Variants in NUMB observed in about 807,000 individuals in gnomAD.
NUMB encodes the protein protein numb homolog.
Under a neutral mutation model 59.7 loss-of-function variants are expected in NUMB, and 29 were observed. That is an observed-to-expected ratio of 0.49 (90% CI 0.36 to 0.66). The LOEUF (loss-of-function observed/expected upper bound fraction) is 0.66, where lower values mean the gene tolerates loss of function less well. Ranked by LOEUF, NUMB falls within the 30% of genes least tolerant of loss-of-function variation. The pLI, the probability that NUMB is intolerant of heterozygous loss-of-function variation, is 0.00. For synonymous variants in NUMB, 288 were observed against 288.2 expected, an observed-to-expected ratio of 1.00 and a Z score of 0.01; for missense variants, 723 against 822.0, an observed-to-expected ratio of 0.88 and a Z score of 1.47.
intron 2 of NUMB, among the ~76,000 whole-genome samples, chr14:73,369,708 T>C (rs1471500127): frequency 6.6e-6 from 1 of 152,176 alleles, no homozygotes; most frequent in South Asian, 2.1e-4. Flanking sequence ...GATTTACATA[T>C]GATACAAAAA....
intron 8 of NUMB, among the ~76,000 whole-genome samples, chr14:73,288,795 G>A (rs1446987190): frequency 6.6e-6 from 1 of 151,606 alleles, no homozygotes; most frequent in African/African-American, 2.4e-5. Context: ...GGAGGTGGAG[G>A]TTGCAGTAAG....
At chr14:73,364,480 G>C (rs1894241216) in intron 3 of NUMB, among the ~76,000 whole-genome samples, 1 of 151,464 alleles carries the variant, frequency 6.6e-6, no homozygotes, top group African/African-American at 2.4e-5. Context: ...CTCCAGCCTG[G>C]GTGACAGAGC....
intron 3 of NUMB, among the ~76,000 whole-genome samples, chr14:73,360,569 A>G (rs537982029): frequency 1.6e-3 from 244 of 152,106 alleles, no homozygotes; most frequent in Non-Finnish European, 3.1e-3. Flanking sequence ...AAACAAAACA[A>G]AAAAGGTATG....
rs1172088992 is a variant in NUMB at position 73,352,508 on chromosome 14, A to T, written c.126+3118T>A. 4.8e-4 allele frequency among the ~76,000 whole-genome samples: 6 copies of T among 12,386 alleles called. 1 individual carries two copies. The highest frequency in any genetic ancestry group is 1.6e-3 in the African/African-American group (3 of 1,836). 8.1% of individuals were successfully genotyped at this position (12,386 alleles called of 152,430 possible). Reference sequence around the variant, plus strand: ...TATATATATATATATATATATATATATATATATATATATATATATATGTTT... The same window carrying T: ...TATATATATATATATATATATATATTTATATATATATATATATATATGTTT... On this transcript the variant is annotated intron_variant, in intron 4 of 12. Transcript: ENST00000555238.
chr14:73,421,794 T>C (rs1254568250), intron 1 of NUMB, among the ~76,000 whole-genome samples: 1 of 152,160 alleles, frequency 6.6e-6, no homozygotes, highest in Non-Finnish European at 1.5e-5. Flanking sequence ...ATTAAAACTA[T>C]GTTTAAAAAA....
In NUMB at chr14:73,369,734, TTTA is replaced by T. The variant is rs563986006; in HGVS notation, c.-100-2756_-100-2754del. Among the ~76,000 whole-genome samples the T allele has an allele frequency of 3.1e-4, 47 of 152,300 alleles. 2 individuals are homozygous for T. In the South Asian group the frequency reaches 8.5e-3, roughly 27 times the overall value. ...GATACAAAAATCCTTTTAAAAATAG[TTTA>T]TTAAGGTATGACATATGTAGAAAGA... On this transcript the variant is annotated intron_variant, in intron 2 of 12. Transcript: ENST00000555238.
At chr14:73,449,373 A>G (rs1156306779) in intron 1 of NUMB, among the ~76,000 whole-genome samples, 2 of 152,160 alleles carry the variant, frequency 1.3e-5, no homozygotes, top group African/African-American at 2.4e-5. Flanking sequence ...CATATATGTT[A>G]TATAATCTCT....
intron 2 of NUMB, among the ~76,000 whole-genome samples, chr14:73,375,265 A>G (rs1024817000): frequency 2.0e-5 from 3 of 152,228 alleles, no homozygotes; most frequent in Non-Finnish European, 4.4e-5. Context: ...ATCACAGATA[A>G]CATTTCATCG....
intron 9 of NUMB, chr14:73,285,013 C>T (rs1250031527): frequency 6.6e-6 from 1 of 151,966 alleles, no homozygotes; most frequent in Non-Finnish European, 1.5e-5. Flanking sequence ...ACGCCCAACT[C>T]ATTTGGTATT....
intron 1 of NUMB, among the ~76,000 whole-genome samples, chr14:73,442,238 G>A (rs926796571): frequency 1.3e-5 from 2 of 151,596 alleles, no homozygotes; most frequent in Non-Finnish European, 2.9e-5. Context: ...GGCAGGAGTG[G>A]TGGTGCATGC....
intron 1 of NUMB, among the ~76,000 whole-genome samples, chr14:73,437,033 T>C (rs965734199): frequency 3.4e-5 from 5 of 147,210 alleles, no homozygotes; most frequent in East Asian, 1.9e-4. Context: ...TATATATTTT[T>C]TCTCTCTCTT....
intron 8 of NUMB, among the ~76,000 whole-genome samples, chr14:73,287,981 T>C (rs1889128298): frequency 6.6e-6 from 1 of 152,128 alleles, no homozygotes; most frequent in Admixed American, 6.6e-5. Flanking sequence ...GGGGAAGCAG[T>C]GGGAATATTT....
intron 4 of NUMB, among the ~76,000 whole-genome samples, chr14:73,338,786 C>T (rs1398410067): frequency 6.6e-6 from 1 of 152,220 alleles, no homozygotes; most frequent in Non-Finnish European, 1.5e-5. Flanking sequence ...TGACAGCTAT[C>T]TGGCTTCCTG....
chr14:73,380,722 T>C (rs1431073699), intron 2 of NUMB, among the ~76,000 whole-genome samples: 3 of 132,196 alleles, frequency 2.3e-5, no homozygotes, highest in African/African-American at 8.5e-5. Flanking sequence ...ATTCATCAAT[T>C]AGTTTTTTTT....
chr14:73,319,140 G>A (rs1383825719), intron 5 of NUMB, among the ~76,000 whole-genome samples: 3 of 152,142 alleles, frequency 2.0e-5, no homozygotes, highest in African/African-American at 4.8e-5. Flanking sequence ...GTGGGCGCCT[G>A]TAATCCCAGC....
intron 4 of NUMB, among the ~76,000 whole-genome samples, chr14:73,349,873 C>T (rs958663030): frequency 2.0e-5 from 3 of 149,732 alleles, no homozygotes; most frequent in South Asian, 4.2e-4. Flanking sequence ...AGCAAGACTC[C>T]GTCTCAAGAA....
intron 3 of NUMB, among the ~76,000 whole-genome samples, chr14:73,362,608 A>AT (rs1014562142): frequency 6.6e-6 from 1 of 151,824 alleles, no homozygotes; most frequent in African/African-American, 2.4e-5. Context: ...ATGCCCAGCT[A>AT]TTTTTTGTAG....
chr14:73,374,548 A>C (rs564030947), intron 2 of NUMB, among the ~76,000 whole-genome samples: 213 of 152,250 alleles, frequency 1.4e-3, no homozygotes, highest in African/African-American at 4.8e-3. Flanking sequence ...AAGTAATTGA[A>C]TATTTCTCCT....
At chr14:73,435,360 A>G (rs1595036316) in intron 1 of NUMB, among the ~76,000 whole-genome samples, 1 of 139,394 alleles carries the variant, frequency 7.2e-6, no homozygotes, top group African/African-American at 2.7e-5. Context: ...TACAAGCTCC[A>G]CCTCCCAGGT....
Sources: gnomAD v4.1 joint callset for allele counts (sites outside exome capture counted in the v4.1 genomes callset) on GRCh38, gnomAD v4.1.1 for gene constraint, MANE v1.5 for transcripts, NCBI Gene and HGNC (gene_info 2026-07-23, HGNC 2026-07-21) for gene names.